The following HEBP1 variants were observed in gnomAD, a reference collection of about 807,000 sequenced individuals.
HEBP1 encodes the protein heme binding protein 1.
In HEBP1, 13 loss-of-function variants were observed where a neutral mutation model predicts 20.4. That is an observed-to-expected ratio of 0.64 (90% CI 0.42 to 1.01). The LOEUF is 1.01. Among genes scored for constraint, HEBP1 ranks in the 50% least tolerant of loss-of-function variants. The pLI is 0.00. For synonymous variants in HEBP1, 92 were observed against 90.7 expected (o/e 1.01, Z -0.08); for missense variants, 241 against 247.3 (o/e 0.97, Z 0.17).
intron 1 of HEBP1, among the ~76,000 whole-genome samples, chr12:12,994,872 G>A (rs1012972208): frequency 4.6e-5 from 7 of 152,070 alleles, no homozygotes; most frequent in African/African-American, 1.7e-4. Flanking sequence ...AATGAGGTTG[G>A]GATTGTCCAG....
chr12:12,992,047 G>T (rs1297460757), intron 1 of HEBP1, among the ~76,000 whole-genome samples: 1 of 152,180 alleles, frequency 6.6e-6, no homozygotes, highest in East Asian at 1.9e-4. Context: ...GAACCTGGCT[G>T]CCCTAGACTG....
chr12:12,990,338 A>T (rs926485478), intron 1 of HEBP1, among the ~76,000 whole-genome samples: 1 of 89,942 alleles, frequency 1.1e-5, no homozygotes, highest in Admixed American at 1.5e-4. Flanking sequence ...CCTGCTAATT[A>T]AAAAAAAAAA....
intron 3 of HEBP1, chr12:12,983,849 T>C (rs1864117616): frequency 2.2e-6 from 1 of 451,292 alleles, no homozygotes; most frequent in Non-Finnish European, 4.5e-6. Context: ...TGGCTAATTC[T>C]AGCTCTAGGG....
intron 3 of HEBP1, chr12:12,979,373 C>T (rs1043468398): frequency 1.3e-5 from 2 of 152,572 alleles, no homozygotes; most frequent in Non-Finnish European, 2.9e-5. Context: ...GCTATGGGAA[C>T]AGATACATGA....
rs938625209 is a variant in HEBP1 at position 12,998,608 on chromosome 12, G to T, written c.78+1429C>A. Among the ~76,000 whole-genome samples the T allele has an allele frequency of 6.6e-6, 1 of 152,210 alleles. No homozygotes were observed. The highest frequency in any genetic ancestry group is 2.4e-5 in the African/African-American group (1 of 41,456). ...TTCTACATAGAGCTGGGGAAACGGAGATAAGAACAGGTGAAAGGTCTTTGG... is the reference window on the plus strand; with the variant it reads ...TTCTACATAGAGCTGGGGAAACGGATATAAGAACAGGTGAAAGGTCTTTGG... On this transcript the variant is annotated intron_variant, in intron 1 of 3. Coordinates refer to ENST00000014930, the MANE Select transcript of HEBP1 (RefSeq NM_015987.5). This position sits in a 1 kb window ranked among gnomAD's most constrained non-coding sequence, Gnocchi z 4.2.
intron 1 of HEBP1, among the ~76,000 whole-genome samples, chr12:12,999,064 C>G (rs1469193506): frequency 6.6e-6 from 1 of 152,222 alleles, no homozygotes; most frequent in East Asian, 1.9e-4. Flanking sequence ...CCCATCATAG[C>G]CCCCTGGCAG....
intron 3 of HEBP1, among the ~76,000 whole-genome samples, chr12:12,976,068 A>C (rs1391667745): frequency 4.3e-5 from 5 of 116,332 alleles, no homozygotes; most frequent in African/African-American, 1.6e-4. Flanking sequence ...GCAACACAAG[A>C]CCCTGTGTCA....
rs147558526 is a variant in HEBP1, at chr12:12,978,595, G to C, written c.399-3116C>G. Among the ~76,000 whole-genome samples, 59 of 152,230 alleles carry C rather than the reference G, an allele frequency of 3.9e-4. 1 individual carries two copies. Among genetic ancestry groups the C allele is most frequent in the African/African-American group, 1.4e-3 (58 of 41,530 alleles). ...AGTGGAGGGACAGGGGAAATGGCAA[G>C]GGGTTGAGAGATGTGGGGCCACCGG... On this transcript the variant is annotated intron_variant, in intron 3 of 3. Transcript: ENST00000014930.
At chr12:12,997,055 T>C (rs1305893589) in intron 1 of HEBP1, among the ~76,000 whole-genome samples, 1 of 152,222 alleles carries the variant, frequency 6.6e-6, no homozygotes, top group Non-Finnish European at 1.5e-5. Context: ...AATTTAATAC[T>C]TATAGTAACT....
chr12:12,993,517 CTT>C (rs1473916094), intron 1 of HEBP1, among the ~76,000 whole-genome samples: 4 of 134,110 alleles, frequency 3.0e-5, no homozygotes, highest in Non-Finnish European at 3.2e-5. Context: ...CTCTCTCTCT[CTT>C]TCAGATGGGG....
At position 12,989,406 on chromosome 12, in the gene HEBP1, C is replaced by G. The variant is rs757906860; in HGVS notation, c.88G>C (p.Ala30Pro). The G allele has an allele frequency of 1.9e-6, 3 of 1,614,110 alleles. No homozygotes were observed. Among genetic ancestry groups the G allele is most frequent in the Non-Finnish European group, 2.5e-6 (3 of 1,179,980 alleles). Residue 30 changes from alanine (A) to proline (P), a missense_variant, in exon 2 of 4, where the codon GCC becomes CCC. Coordinates refer to ENST00000014930, the MANE Select transcript of HEBP1 (RefSeq NM_015987.5). ...CCTTCACAGGCCCTTTCTTCATAGG[C>G]AACTTCTTCCTAGAGAGAGAGAAGG... ...VLSKGDKEEV[A>P]YEERACEGGK...
At chr12:12,997,442 G>A (rs1864305190) in intron 1 of HEBP1, among the ~76,000 whole-genome samples, 1 of 152,192 alleles carries the variant, frequency 6.6e-6, no homozygotes, top group Admixed American at 6.5e-5. Flanking sequence ...TGTTACCTAA[G>A]TTCAGATACC....
intron 1 of HEBP1, among the ~76,000 whole-genome samples, chr12:12,991,006 A>G (rs559521347): frequency 7.2e-5 from 11 of 152,214 alleles, no homozygotes; most frequent in African/African-American, 2.6e-4. Context: ...CCCACTCCCC[A>G]AGCCACTACC....
At chr12:12,995,262 T>C (rs1864276094) in intron 1 of HEBP1, among the ~76,000 whole-genome samples, 2 of 152,212 alleles carry the variant, frequency 1.3e-5, no homozygotes, top group South Asian at 2.1e-4. Flanking sequence ...ACAATACTTA[T>C]TGTAATTACA....
In HEBP1 at chr12:12,979,421, C is replaced by G. The variant is rs894480163; in HGVS notation, c.399-3942G>C. The G allele has an allele frequency of 7.9e-5, 12 of 152,680 alleles. No homozygotes were observed. The Admixed American group carries it at 7.9e-4, about 10-fold the overall frequency. The allele number at this position is 152,680 out of a possible 1,614,324, so 9.5% of individuals were successfully genotyped here. The stretch of plus-strand genomic sequence containing the variant: ...GCTAATTTAACCAACCACACTGACT[C>G]CCATCACAGAACTGCACAAACAAGC... On this transcript the variant is annotated intron_variant, in intron 3 of 3. Coordinates refer to ENST00000014930, the MANE Select transcript of HEBP1 (RefSeq NM_015987.5).
intron 3 of HEBP1, among the ~76,000 whole-genome samples, chr12:12,982,786 G>A (rs555979391): frequency 1.3e-5 from 2 of 152,332 alleles, no homozygotes; most frequent in East Asian, 3.9e-4. Flanking sequence ...TGTATCTGCA[G>A]TAACTTTGAC....
intron 3 of HEBP1, chr12:12,979,375 G>A (rs1279485387): frequency 6.6e-6 from 1 of 152,558 alleles, no homozygotes; most frequent in Non-Finnish European, 1.5e-5. Flanking sequence ...TATGGGAACA[G>A]ATACATGAGT....
chr12:12,999,921 G>C (rs374185111), intron 1 of HEBP1, 116 bp downstream of exon 1: 1 of 577,476 alleles, frequency 1.7e-6, no homozygotes, highest in African/African-American at 1.9e-5. Context: ...ACACCAGAAC[G>C]CACCTTCGAT....
chr12:12,982,638 T>C (rs1211890931), intron 3 of HEBP1, among the ~76,000 whole-genome samples: 1 of 152,190 alleles, frequency 6.6e-6, no homozygotes, highest in Non-Finnish European at 1.5e-5. Flanking sequence ...TTCTTTCAAA[T>C]GCACAATGAA....
Sources: gnomAD v4.1 joint callset for allele counts (sites outside exome capture counted in the v4.1 genomes callset) on GRCh38, gnomAD v4.1.1 for gene constraint, Gnocchi (gnomAD v3.1) non-coding constraint, MANE v1.5 for transcripts, NCBI Gene and HGNC (gene_info 2026-07-23, HGNC 2026-07-21) for gene names.